Variants in ZNF710 observed in about 807,000 individuals in gnomAD.
ZNF710 encodes zinc finger protein 710.
A neutral mutation model predicts 50.6 loss-of-function variants in ZNF710; 13 were observed. That is an observed-to-expected ratio of 0.26 (90% CI 0.17 to 0.41). ZNF710 has a LOEUF of 0.41. ZNF710 is among the 10% of genes least tolerant of loss of function. ZNF710 has a pLI of 1.00. For synonymous variants in ZNF710, 383 were observed against 397.0 expected (o/e 0.96, Z 0.42); for missense variants, 721 against 936.6 (o/e 0.77, Z 3.01).
At chr15:90,074,603 CATT>C in intron 4 of ZNF710, 1 of 1,066,838 alleles carries the variant, frequency 9.4e-7, no homozygotes, top group South Asian at 1.5e-5. Flanking sequence ...TTGGCTCTGT[CATT>C]GTCATCGTTT....
Position 90,067,649 on chromosome 15 carries a change from T to C in ZNF710, c.512T>C (p.Leu171Pro). 1 of 1,612,944 alleles carries C rather than the reference T, an allele frequency of 6.2e-7. No individual in the cohort carries two copies. Among genetic ancestry groups the C allele is most frequent in the Non-Finnish European group, 8.5e-7 (1 of 1,179,588 alleles). Reference protein sequence around the residue: ...LSAFSRKPRTLRHLPRTPRPE... With the variant: ...LSAFSRKPRTPRHLPRTPRPE... ...GCCTTCAGCCGCAAGCCCCGGACGC[T>C]CCGGCATCTGCCCCGAACCCCGAGG... is the stretch of plus-strand genomic sequence containing the variant. The change falls in exon 2 of 5, where the codon CTC (leucine) becomes CCC (proline). Residue 171 changes from leucine to proline, a missense_variant. Coordinates refer to ENST00000268154, the MANE Select transcript of ZNF710 (RefSeq NM_198526.4). This position sits in a 1 kb window ranked among gnomAD's most constrained non-coding sequence, Gnocchi z 8.1.
chr15:90,030,329 C>CAA lies in ZNF710; in HGVS notation c.-29+28738_-29+28739dup, dbSNP rs10685083. On this transcript the variant is annotated intron_variant, in intron 1 of 4. Transcript: ENST00000268154. ...GGGCAACAAGAGCAAAACTCCATCT[C>CAA]AAAAAAAAAAAAAAAAAAAAAAAAG... Among the ~76,000 whole-genome samples the CAA allele has an allele frequency of 3.8e-3, 191 of 50,264 alleles. 13 individuals are homozygous for CAA. The highest frequency in any genetic ancestry group is 5.6e-3 in the African/African-American group (74 of 13,212). 33.0% of individuals were successfully genotyped at this position (50,264 alleles called of 152,430 possible).
chr15:90,032,537 G>A (rs941266508), intron 1 of ZNF710, among the ~76,000 whole-genome samples: 1 of 151,988 alleles, frequency 6.6e-6, no homozygotes, highest in African/African-American at 2.4e-5. Context: ...CAGCACTTTG[G>A]GAGGCCTAGG....
chr15:90,044,163 G>A (rs936503412), intron 1 of ZNF710, among the ~76,000 whole-genome samples: 14 of 152,212 alleles, frequency 9.2e-5, no homozygotes, highest in African/African-American at 3.1e-4. Context: ...TCCACCAGCC[G>A]TAGGGACCTG....
chr15:90,025,663 G>A (rs1227478320), intron 1 of ZNF710: 1 of 152,174 alleles, frequency 6.6e-6, no homozygotes, highest in East Asian at 1.9e-4. Flanking sequence ...GGCTTTACAA[G>A]TGAGCATATG....
intron 1 of ZNF710, among the ~76,000 whole-genome samples, chr15:90,057,010 G>T (rs948498379): frequency 6.6e-6 from 1 of 152,080 alleles, no homozygotes. Context: ...GCTCTCCTCA[G>T]ACACCCACCC....
At chr15:90,037,271 C>T (rs1899156940) in intron 1 of ZNF710, among the ~76,000 whole-genome samples, 1 of 152,208 alleles carries the variant, frequency 6.6e-6, no homozygotes, top group Non-Finnish European at 1.5e-5. Context: ...TCTCCCCTTC[C>T]CTTGGAAGAA....
intron 1 of ZNF710, among the ~76,000 whole-genome samples, chr15:90,024,096 C>T (rs1008866615): frequency 1.2e-4 from 19 of 152,154 alleles, no homozygotes; most frequent in African/African-American, 3.9e-4. Flanking sequence ...GTCTGTGGCT[C>T]TTTTCCCTGG....
intron 1 of ZNF710, among the ~76,000 whole-genome samples, chr15:90,065,554 G>C (rs530984298): frequency 6.6e-6 from 1 of 152,142 alleles, no homozygotes; most frequent in Non-Finnish European, 1.5e-5. Context: ...TCGGAGGCTG[G>C]TGGGAGGAGC....
chr15:90,038,411 C>T (rs1301388932), intron 1 of ZNF710, among the ~76,000 whole-genome samples: 1 of 152,218 alleles, frequency 6.6e-6, no homozygotes, highest in East Asian at 1.9e-4. Context: ...ATCTCACTCT[C>T]TTTCACGTGG....
chr15:90,045,863 G>A (rs1270226861), intron 1 of ZNF710, among the ~76,000 whole-genome samples: 1 of 152,138 alleles, frequency 6.6e-6, no homozygotes, highest in Admixed American at 6.5e-5. Flanking sequence ...GGTAGCAGGG[G>A]CCAGGTCTCT....
At chr15:90,063,503 C>A (rs918280017) in intron 1 of ZNF710, among the ~76,000 whole-genome samples, 1 of 152,168 alleles carries the variant, frequency 6.6e-6, no homozygotes, top group Non-Finnish European at 1.5e-5. Context: ...GCCCTGCCCC[C>A]ACTTAGGCAC....
chr15:90,040,260 G>T lies in ZNF710; in HGVS notation c.-28-26850G>T, dbSNP rs1899258266. Among the ~76,000 whole-genome samples, 1 of 152,186 alleles carries T rather than the reference G, an allele frequency of 6.6e-6. No homozygotes were observed. Among genetic ancestry groups the T allele is most frequent in the Non-Finnish European group, 1.5e-5 (1 of 68,034 alleles). On this transcript the variant is annotated intron_variant, in intron 1 of 4. Transcript: ENST00000268154. This position sits in a 1 kb window ranked among gnomAD's most constrained non-coding sequence, Gnocchi z 4.6. ...CCTTTGTTGAGGAAGTCGTGTCTGA[G>T]GATCTGGTCCCCAGCTCTAGGCAAC...
At chr15:90,033,233 A>C (rs1157252246) in intron 1 of ZNF710, among the ~76,000 whole-genome samples, 1 of 152,220 alleles carries the variant, frequency 6.6e-6, no homozygotes, top group Admixed American at 6.5e-5. Context: ...TGTTGACCCC[A>C]CGTGGCAGGA....
Position 90,078,502 on chromosome 15 carries a change from G to A in ZNF710, c.1826-1158G>A, listed in dbSNP as rs897647196. Among the ~76,000 whole-genome samples the A allele has an allele frequency of 3.3e-5, 5 of 152,304 alleles. No individual in the cohort carries two copies. In the South Asian group the frequency reaches 1.0e-3, roughly 32 times the overall value. ...CCTTTCCTCATGACCCATTCAACAG[G>A]ATTGGGTCACGTGCCTATTCCTGAA... On this transcript the variant is annotated intron_variant, in intron 4 of 4. Coordinates refer to ENST00000268154, the MANE Select transcript of ZNF710 (RefSeq NM_198526.4).
chr15:90,005,160 A>G (rs1278868994), intron 1 of ZNF710, among the ~76,000 whole-genome samples: 1 of 152,200 alleles, frequency 6.6e-6, no homozygotes, highest in African/African-American at 2.4e-5. Context: ...TGCTTTGTTC[A>G]TTGCGGAGCC....
At chr15:90,066,030 G>C (rs536026550) in intron 1 of ZNF710, among the ~76,000 whole-genome samples, 25 of 152,304 alleles carry the variant, frequency 1.6e-4, no homozygotes, top group African/African-American at 5.8e-4. Flanking sequence ...TTTCAAATCA[G>C]ATCGGACATG....
chr15:90,070,664 C>T lies in ZNF710; in HGVS notation c.1458+2069C>T, dbSNP rs147719147. ...TCTATCTCAAAAAAAAGAAAAAAAT[C>T]AAAAAATTAGCCAGGCATGGTGGCA... On this transcript the variant is annotated intron_variant, in intron 2 of 4. Transcript: ENST00000268154. Among the ~76,000 whole-genome samples the T allele has an allele frequency of 2.8e-3, 428 of 150,522 alleles. 3 individuals carry two copies. Among genetic ancestry groups the T allele is most frequent in the Non-Finnish European group, 4.7e-3 (319 of 67,430 alleles).
intron 1 of ZNF710, among the ~76,000 whole-genome samples, chr15:90,008,013 A>C (rs944604184): frequency 6.6e-6 from 1 of 152,072 alleles, no homozygotes; most frequent in Non-Finnish European, 1.5e-5. Context: ...CTAAATTAAA[A>C]ATTCTAGAAT....
Sources: gnomAD v4.1 joint callset for allele counts (sites outside exome capture counted in the v4.1 genomes callset) on GRCh38, gnomAD v4.1.1 for gene constraint, Gnocchi (gnomAD v3.1) non-coding constraint, MANE v1.5 for transcripts, NCBI Gene and HGNC (gene_info 2026-07-23, HGNC 2026-07-21) for gene names.